Variants in FOXD1 observed in about 807,000 individuals in gnomAD.
FOXD1 encodes the protein forkhead box protein D1.
A neutral mutation model predicts 2.0 loss-of-function variants in FOXD1; 4 were observed. The ratio of observed to expected loss-of-function variants is 2.03; its 90% CI spans 1.00 to 4.64. FOXD1 has a LOEUF of 4.64. Among genes scored for constraint, FOXD1 ranks in the 30% most tolerant of loss-of-function variants. The probability of loss-of-function intolerance (pLI) is 0.01; values close to 1 mark genes in which losing one functional copy is unlikely to be tolerated. For synonymous variants in FOXD1, 354 were observed against 328.5 expected (o/e 1.08, Z -0.84); for missense variants, 586 against 647.6 (o/e 0.90, Z 1.03).
chr5:73,447,259 G>A lies in FOXD1; in HGVS notation c.1104C>T (p.Ile368=), dbSNP rs1246806544. The A allele has an allele frequency of 3.5e-5, 35 of 991,834 alleles. 1 individual carries two copies. In the African/African-American group the frequency reaches 5.8e-4, roughly 17 times the overall value. 61.4% of individuals were successfully genotyped at this position (991,834 alleles called of 1,614,324 possible). A position where few individuals can be genotyped will look rare whatever the true frequency, so the allele number is the denominator to read the frequency against. The change falls in exon 1 of 1, where the codon ATC becomes ATT. Residue 368 remains isoleucine, a synonymous_variant. Coordinates refer to ENST00000615637, the MANE Select transcript of FOXD1 (RefSeq NM_004472.3). The surrounding 1 kb of genome is among the most constrained non-coding windows in gnomAD (Gnocchi z 7.8). ...CGGCGGCCGGGCCCAAGCTGCCCCCGATGATGCTCTCGATGGAGAAGGGCG... is the reference window on the plus strand; with the variant it reads ...CGGCGGCCGGGCCCAAGCTGCCCCCAATGATGCTCTCGATGGAGAAGGGCG... ...ARSPFSIESI[I]GGSLGPAAAA... is the part of the protein sequence containing the mutation.
chr5:73,447,616 G>GCCCGCGCCCCCTGCGGCT lies in FOXD1; in HGVS notation c.729_746dup (p.Ala244_Gly249dup), dbSNP rs1220760117. ...AGAGCGCGGCGGCGGCTGCCGGGTCGCCCGCGCCCCCTGCGGCTCCCGCGC... is the reference window on the plus strand; with the variant it reads ...AGAGCGCGGCGGCGGCTGCCGGGTCGCCCGCGCCCCCTGCGGCTCCCGCGCCCCCTGCGGCTCCCGCGC... On this transcript the variant is annotated inframe_insertion, in exon 1 of 1. Transcript: ENST00000615637. This position sits in a 1 kb window ranked among gnomAD's most constrained non-coding sequence, Gnocchi z 7.8. 9 of 1,245,896 alleles carry GCCCGCGCCCCCTGCGGCT rather than the reference G, an allele frequency of 7.2e-6. No individual in the cohort carries two copies. In the East Asian group the frequency reaches 1.3e-4, roughly 18 times the overall value. 77.2% of individuals were successfully genotyped at this position (1,245,896 alleles called of 1,614,324 possible). A position where few individuals can be genotyped will look rare whatever the true frequency, so the allele number is the denominator to read the frequency against.
Position 73,448,346 on chromosome 5 carries a change from T to C in FOXD1, c.17A>G (p.Glu6Gly). ...GGCGAGGCCAGAGGCATCGGACATCTCAGTGCTCAGGGTCATAGCTGTGGC... is the reference window on the plus strand; with the variant it reads ...GGCGAGGCCAGAGGCATCGGACATCCCAGTGCTCAGGGTCATAGCTGTGGC... MTLST[E>G]MSDASGLAEE... is the part of the protein sequence containing the mutation. Residue 6 changes from glutamate (E) to glycine (G), a missense_variant, in exon 1 of 1, where the codon GAG becomes GGG. This residue lies in a region of FOXD1 where 183 missense variants were observed against 159.2 expected (regional missense o/e 1.15). Coordinates refer to ENST00000615637, the MANE Select transcript of FOXD1 (RefSeq NM_004472.3). 7.0e-7 allele frequency: 1 copy of C among 1,426,062 alleles called. No individual in the cohort carries two copies. Among genetic ancestry groups the C allele is most frequent in the Non-Finnish European group, 9.3e-7 (1 of 1,076,806 alleles). The allele number at this position is 1,426,062 out of a possible 1,614,324, so 88.3% of individuals were successfully genotyped here. A position where few individuals can be genotyped will look rare whatever the true frequency, so the allele number is the denominator to read the frequency against.
chr5:73,446,749 A>G lies in FOXD1; in HGVS notation c.*216T>C. ...CCCAGGTCGGGGGTTGGGGGGCTGT[A>G]GCATAGGTCGGCTTTGCATAAATAG... On this transcript the variant is annotated 3_prime_UTR_variant, in exon 1 of 1. Coordinates refer to ENST00000615637, the MANE Select transcript of FOXD1 (RefSeq NM_004472.3). The G allele has an allele frequency of 2.0e-6, 1 of 488,040 alleles. No individual in the cohort carries two copies. Among genetic ancestry groups the G allele is most frequent in the Non-Finnish European group, 3.7e-6 (1 of 270,324 alleles). 30.2% of individuals were successfully genotyped at this position (488,040 alleles called of 1,614,324 possible). A position where few individuals can be genotyped will look rare whatever the true frequency, so the allele number is the denominator to read the frequency against.
chr5:73,448,201 C>A lies in FOXD1; in HGVS notation c.162G>T (p.Arg54=). 6.9e-7 allele frequency: 1 copy of A among 1,457,120 alleles called. No individual in the cohort carries two copies. Among genetic ancestry groups the A allele is most frequent in the Non-Finnish European group, 9.1e-7 (1 of 1,099,088 alleles). 90.3% of individuals were successfully genotyped at this position (1,457,120 alleles called of 1,614,324 possible). A position where few individuals can be genotyped will look rare whatever the true frequency, so the allele number is the denominator to read the frequency against. Residue 54 remains arginine (R), a synonymous_variant, in exon 1 of 1, where the codon CGG becomes CGT. Transcript: ENST00000615637. ...CCTCCCCGGCGTACGAGCGCCGCCG[C>A]CGCCGCCGCTGCGCGGGGACAGCCA... ...PRLAVPAQRR[R]RRRSYAGEDE... is the part of the protein sequence containing the mutation.
Position 73,447,617 on chromosome 5 carries a change from C to T in FOXD1, c.746G>A (p.Gly249Asp), listed in dbSNP as rs1745531590. ...GAGCGCGGCGGCGGCTGCCGGGTCGCCCGCGCCCCCTGCGGCTCCCGCGCC... is the reference window on the plus strand; with the variant it reads ...GAGCGCGGCGGCGGCTGCCGGGTCGTCCGCGCCCCCTGCGGCTCCCGCGCC... ...LRGAGAAGGAGDPAAAAALFP... is the reference protein window; with the variant it reads ...LRGAGAAGGADDPAAAAALFP... Residue 249 changes from glycine to aspartate, a missense_variant, in exon 1 of 1, where the codon GGC (glycine) becomes GAC (aspartate). Gly to Asp is a moderately conservative substitution (Grantham distance 94, BLOSUM62 -1). Around this residue, in one of 4 missense-constraint regions of FOXD1, gnomAD observed 253 missense variants for 234.4 expected, o/e 1.08. Transcript: ENST00000615637. The surrounding 1 kb of genome is among the most constrained non-coding windows in gnomAD (Gnocchi z 7.8). The T allele has an allele frequency of 1.5e-6, 2 of 1,307,708 alleles. No individual in the cohort carries two copies. The highest frequency in any genetic ancestry group is 4.2e-5 in the Admixed American group (1 of 23,892). 81.0% of individuals were successfully genotyped at this position (1,307,708 alleles called of 1,614,324 possible).
Position 73,447,016 on chromosome 5 carries a change from C to A in FOXD1, c.1347G>T (p.Gly449=). Residue 449 remains glycine (G), a synonymous_variant, in exon 1 of 1, where the codon GGG becomes GGT. Transcript: ENST00000615637. This position sits in a 1 kb window ranked among gnomAD's most constrained non-coding sequence, Gnocchi z 7.8. ...SSAALGTLHQ[G]TALSSVENFT... ...AGTTCTCGACACTGGACAGGGCAGT[C>A]CCTTGGTGCAGAGTCCCCAAGGCGG... is the stretch of plus-strand genomic sequence containing the variant. 1 of 1,547,960 alleles carries A rather than the reference C, an allele frequency of 6.5e-7. No homozygotes were observed. Among genetic ancestry groups the A allele is most frequent in the Non-Finnish European group, 8.7e-7 (1 of 1,145,636 alleles).
Position 73,447,140 on chromosome 5 carries a change from C to A in FOXD1, c.1223G>T (p.Gly408Val). 8.5e-7 allele frequency: 1 copy of A among 1,176,624 alleles called. No individual in the cohort carries two copies. The highest frequency in any genetic ancestry group is 1.1e-6 in the Non-Finnish European group (1 of 951,214). The allele number at this position is 1,176,624 out of a possible 1,614,324, so 72.9% of individuals were successfully genotyped here. ...AAPPAPGSSG[G>V]GCAAQAAVGP... ...CACGGCCGCCTGCGCCGCGCAGCCT[C>A]CTCCGCTGGATCCGGGAGCTGGCGG... Residue 408 changes from glycine (G) to valine (V), a missense_variant, in exon 1 of 1, where the codon GGA (glycine) becomes GTA (valine). Physicochemically the swap from Gly to Val is moderately radical, Grantham distance 109. Around this residue, in one of 4 missense-constraint regions of FOXD1, gnomAD observed 253 missense variants for 234.4 expected, o/e 1.08. Coordinates refer to ENST00000615637, the MANE Select transcript of FOXD1 (RefSeq NM_004472.3). The surrounding 1 kb of genome is among the most constrained non-coding windows in gnomAD (Gnocchi z 7.8).
Position 73,447,442 on chromosome 5 carries a change from G to A in FOXD1, c.921C>T (p.His307=), listed in dbSNP as rs1171729855. Residue 307 remains histidine (H), a synonymous_variant, in exon 1 of 1, where the codon CAC becomes CAT. Transcript: ENST00000615637. This position sits in a 1 kb window ranked among gnomAD's most constrained non-coding sequence, Gnocchi z 7.8. ...AAAAAAAFHP[H]SPPPPPPPHG... ...GCGGTGGCGGGGGCGGCGGGGGCGA[G>A]TGCGGGTGGAAGGCGGCGGCGGCGG... 4 of 987,236 alleles carry A rather than the reference G, an allele frequency of 4.1e-6. No individual in the cohort carries two copies. In the East Asian group the frequency reaches 3.4e-4, roughly 83 times the overall value. The allele number at this position is 987,236 out of a possible 1,614,324, so 61.2% of individuals were successfully genotyped here.
chr5:73,446,730 T>C lies in FOXD1; in HGVS notation c.*235A>G. ...GCACCCTCTTCCTCCCTACCCCAGG[T>C]CGGGGGTTGGGGGGCTGTAGCATAG... is the stretch of plus-strand genomic sequence containing the variant. On this transcript the variant is annotated 3_prime_UTR_variant, in exon 1 of 1. Coordinates refer to ENST00000615637, the MANE Select transcript of FOXD1 (RefSeq NM_004472.3). 1 of 442,192 alleles carries C rather than the reference T, an allele frequency of 2.3e-6. No homozygotes were observed. Among genetic ancestry groups the C allele is most frequent in the Admixed American group, 3.9e-5 (1 of 25,646 alleles). 27.4% of individuals were successfully genotyped at this position (442,192 alleles called of 1,614,324 possible).
Position 73,447,484 on chromosome 5 carries a change from G to C in FOXD1, c.879C>G (p.Ala293=). The C allele has an allele frequency of 1.0e-6, 1 of 1,002,140 alleles. No homozygotes were observed. The allele number at this position is 1,002,140 out of a possible 1,614,324, so 62.1% of individuals were successfully genotyped here. A position where few individuals can be genotyped will look rare whatever the true frequency, so the allele number is the denominator to read the frequency against. The change falls in exon 1 of 1, where the codon GCC becomes GCG. Residue 293 remains alanine (A), a synonymous_variant. Coordinates refer to ENST00000615637, the MANE Select transcript of FOXD1 (RefSeq NM_004472.3). The surrounding 1 kb of genome is among the most constrained non-coding windows in gnomAD (Gnocchi z 7.8). ...CGGCGGCGGCGGCGGCCGCTGCGGCGGCGAAGAGGGCCGAGGGCGGCGCGT... is the reference window on the plus strand; with the variant it reads ...CGGCGGCGGCGGCGGCCGCTGCGGCCGCGAAGAGGGCCGAGGGCGGCGCGT... ...PPYAPPSALF[A]AAAAAAAAAA...
Position 73,448,518 on chromosome 5 carries a change from G to C in FOXD1, c.-156C>G, listed in dbSNP as rs1745556862. On this transcript the variant is annotated 5_prime_UTR_variant, in exon 1 of 1. Transcript: ENST00000615637. Reference sequence around the variant, plus strand: ...TGCCGGAGCTGCGCCGGGGCTGCCGGGTGGCGGCGGAGTCTCGCGCGCCGA... The same window carrying C: ...TGCCGGAGCTGCGCCGGGGCTGCCGCGTGGCGGCGGAGTCTCGCGCGCCGA... 3.6e-6 allele frequency: 1 copy of C among 277,134 alleles called. No individual in the cohort carries two copies. Among genetic ancestry groups the C allele is most frequent in the Non-Finnish European group, 5.5e-6 (1 of 182,666 alleles). 17.2% of individuals were successfully genotyped at this position (277,134 alleles called of 1,614,324 possible).
chr5:73,446,855 G>A lies in FOXD1; in HGVS notation c.*110C>T. 1.1e-6 allele frequency: 1 copy of A among 942,564 alleles called. No individual in the cohort carries two copies. Among genetic ancestry groups the A allele is most frequent in the Admixed American group, 2.6e-5 (1 of 38,572 alleles). The allele number at this position is 942,564 out of a possible 1,614,324, so 58.4% of individuals were successfully genotyped here. A position where few individuals can be genotyped will look rare whatever the true frequency, so the allele number is the denominator to read the frequency against. ...TTCGCAGCGGCGAAAATGGGCGCGC[G>A]AGGTCGAGAGGGGCCGCGCCTGGAG... On this transcript the variant is annotated 3_prime_UTR_variant, in exon 1 of 1. Transcript: ENST00000615637.
rs114344199 is a variant in FOXD1, at chr5:73,446,509, A to T, written c.*456T>A. On this transcript the variant is annotated 3_prime_UTR_variant, in exon 1 of 1. Coordinates refer to ENST00000615637, the MANE Select transcript of FOXD1 (RefSeq NM_004472.3). ...CTTTTCATGAAAAAGTACACCAGACAAGTGTCCTCAAATAAAAAAGAATTG... is the reference window on the plus strand; with the variant it reads ...CTTTTCATGAAAAAGTACACCAGACTAGTGTCCTCAAATAAAAAAGAATTG... 6.2e-6 allele frequency: 1 copy of T among 161,258 alleles called. No individual in the cohort carries two copies. Among genetic ancestry groups the T allele is most frequent in the African/African-American group, 2.4e-5 (1 of 41,616 alleles). The allele number at this position is 161,258 out of a possible 1,614,324, so 10.0% of individuals were successfully genotyped here. A position where few individuals can be genotyped will look rare whatever the true frequency, so the allele number is the denominator to read the frequency against.
Position 73,448,007 on chromosome 5 carries a change from G to C in FOXD1, c.356C>G (p.Ala119Gly). ...GGGCGGCTTCACCAGCGGGTTCTTG[G>C]CGCCGCTACCCGCGCTCCCGCCGCC... The part of the protein sequence containing the change: ...AGGGGSAGSG[A>G]KNPLVKPPYS... The change falls in exon 1 of 1, where the codon GCC becomes GGC. Residue 119 changes from alanine to glycine, a missense_variant. By Grantham distance (60) the Ala-to-Gly change is moderately conservative. Around this residue, in one of 4 missense-constraint regions of FOXD1, gnomAD observed 104 missense variants for 175.4 expected, o/e 0.59. Transcript: ENST00000615637. The C allele has an allele frequency of 7.0e-7, 1 of 1,434,984 alleles. No individual in the cohort carries two copies. The highest frequency in any genetic ancestry group is 9.2e-7 in the Non-Finnish European group (1 of 1,087,398). 88.9% of individuals were successfully genotyped at this position (1,434,984 alleles called of 1,614,324 possible).
Position 73,448,234 on chromosome 5 carries a change from C to G in FOXD1, c.129G>C (p.Gly43=). Residue 43 remains glycine (G), a synonymous_variant, in exon 1 of 1, where the codon GGG becomes GGC. Transcript: ENST00000615637. ...EEDDDEGGGG[G]PRLAVPAQRR... ...GCTGCGCGGGGACAGCCAGCCGGGG[C>G]CCGCCACCGCCGCCCTCGTCGTCGT... The G allele has an allele frequency of 1.4e-6, 2 of 1,480,854 alleles. No individual in the cohort carries two copies. Among genetic ancestry groups the G allele is most frequent in the Non-Finnish European group, 1.8e-6 (2 of 1,109,394 alleles). The allele number at this position is 1,480,854 out of a possible 1,614,324, so 91.7% of individuals were successfully genotyped here. A position where few individuals can be genotyped will look rare whatever the true frequency, so the allele number is the denominator to read the frequency against.
Position 73,448,686 on chromosome 5 carries a change from C to G in FOXD1, c.-324G>C, listed in dbSNP as rs1223615386. On this transcript the variant is annotated 5_prime_UTR_variant, in exon 1 of 1. Coordinates refer to ENST00000615637, the MANE Select transcript of FOXD1 (RefSeq NM_004472.3). ...TCAGCTGAGGAGGGGGTGGCGGGGC[C>G]CGGGCGGGCGAATCAGAACGCCAGG... Among the ~76,000 whole-genome samples, 1 of 151,902 alleles carries G rather than the reference C, an allele frequency of 6.6e-6. No homozygotes were observed. The highest frequency in any genetic ancestry group is 1.5e-5 in the Non-Finnish European group (1 of 67,936).
rs1745527302 is a variant in FOXD1, at chr5:73,447,494, G to A, written c.869C>T (p.Ala290Val). Residue 290 changes from alanine (A) to valine (V), a missense_variant, in exon 1 of 1, where the codon GCC (alanine) becomes GTC (valine). Ala to Val is a moderately conservative substitution (Grantham distance 64). This residue lies in a region of FOXD1 where 253 missense variants were observed against 234.4 expected (regional missense o/e 1.08). Transcript: ENST00000615637. The surrounding 1 kb of genome is among the most constrained non-coding windows in gnomAD (Gnocchi z 7.8). ...GGCGGCCGCTGCGGCGGCGAAGAGG[G>A]CCGAGGGCGGCGCGTAAGGCGGCAG... ...LQLPPYAPPS[A>V]LFAAAAAAAA... The A allele has an allele frequency of 9.9e-7, 1 of 1,007,894 alleles. No homozygotes were observed. The highest frequency in any genetic ancestry group is 1.2e-6 in the Non-Finnish European group (1 of 847,034). The allele number at this position is 1,007,894 out of a possible 1,614,324, so 62.4% of individuals were successfully genotyped here. A position where few individuals can be genotyped will look rare whatever the true frequency, so the allele number is the denominator to read the frequency against.
At position 73,447,941 on chromosome 5, in the gene FOXD1, C is replaced by G. The variant is rs752612908; in HGVS notation, c.422G>C (p.Ser141Thr). The change falls in exon 1 of 1, where the codon AGC becomes ACC. Residue 141 changes from serine to threonine, a missense_variant. By Grantham distance (58) the Ser-to-Thr change is moderately conservative. This residue lies in a region of FOXD1 where 104 missense variants were observed against 175.4 expected (regional missense o/e 0.59). Coordinates refer to ENST00000615637, the MANE Select transcript of FOXD1 (RefSeq NM_004472.3). The surrounding 1 kb of genome is among the most constrained non-coding windows in gnomAD (Gnocchi z 7.8). ...IALITMAILQSPKKRLTLSEI... is the reference protein window; with the variant it reads ...IALITMAILQTPKKRLTLSEI... The stretch of plus-strand genomic sequence containing the variant: ...GCTCAGCGTCAGCCGCTTCTTGGGG[C>G]TCTGCAGGATGGCCATAGTGATGAG... 6.2e-7 allele frequency: 1 copy of G among 1,609,536 alleles called. No homozygotes were observed.
chr5:73,446,633 G>T lies in FOXD1; in HGVS notation c.*332C>A. 3.6e-6 allele frequency: 1 copy of T among 281,676 alleles called. No individual in the cohort carries two copies. The highest frequency in any genetic ancestry group is 6.8e-6 in the Non-Finnish European group (1 of 146,760). 17.4% of individuals were successfully genotyped at this position (281,676 alleles called of 1,614,324 possible). A position where few individuals can be genotyped will look rare whatever the true frequency, so the allele number is the denominator to read the frequency against. ...CTGAGAATCTCTACACCTCAAAAAG[G>T]CTTAGTTGTTTTTCATCTGCCAAAC... is the stretch of plus-strand genomic sequence containing the variant. On this transcript the variant is annotated 3_prime_UTR_variant, in exon 1 of 1. Coordinates refer to ENST00000615637, the MANE Select transcript of FOXD1 (RefSeq NM_004472.3).
Sources: allele counts gnomAD v4.1 joint callset (sites outside exome capture counted in the v4.1 genomes callset), GRCh38; gene constraint gnomAD v4.1.1; regional missense constraint gnomAD v4.1.1; non-coding constraint Gnocchi (gnomAD v3.1); transcripts MANE v1.5; gene names NCBI Gene and HGNC (gene_info 2026-07-23, HGNC 2026-07-21).